The following MGA variants were observed in gnomAD, a reference collection of about 807,000 sequenced individuals.
The protein encoded by MGA is MAX dimerization protein MGA.
MGA carries 40 observed loss-of-function variants against 261.1 expected under a neutral mutation model. The observed-to-expected ratio is 0.15, with a 90% confidence interval of 0.12 to 0.20. The LOEUF is 0.20. Among genes scored for constraint, MGA ranks in the 10% least tolerant of loss-of-function variants. The pLI, the probability that MGA is intolerant of heterozygous loss-of-function variation, is 1.00. For synonymous variants in MGA, 1,302 were observed against 1,290.6 expected (o/e 1.01, Z -0.19); for missense variants, 3,397 against 3,630.5 (o/e 0.94, Z 1.65).
At chr15:41,709,375 T>C (rs1335978329) in intron 7 of MGA, among the ~76,000 whole-genome samples, 1 of 151,808 alleles carries the variant, frequency 6.6e-6, no homozygotes, top group African/African-American at 2.4e-5. Flanking sequence ...CCCAAGTAAA[T>C]TTTACACGCC....
At chr15:41,655,178 CTTT>C (rs35648576) in intron 1 of MGA, among the ~76,000 whole-genome samples, 97 of 129,610 alleles carry the variant, frequency 7.5e-4, no homozygotes, top group African/African-American at 1.9e-3. Context: ...TTTTAATTTA[CTTT>C]TTTTTTTTTT....
upstream of MGA, among the ~76,000 whole-genome samples, chr15:41,655,419 C>T (rs997171504): frequency 6.6e-6 from 1 of 152,074 alleles, no homozygotes; most frequent in African/African-American, 2.4e-5. Flanking sequence ...GTGATCCGTC[C>T]ACCTTGGCCT....
intron 9 of MGA, among the ~76,000 whole-genome samples, chr15:41,722,128 T>G (rs2060975634): frequency 7.1e-6 from 1 of 140,406 alleles, no homozygotes. Context: ...GCCAATTTTT[T>G]TTTTTTTTTT....
At chr15:41,750,830 G>C (rs980413641) in intron 17 of MGA, 2 of 456,616 alleles carry the variant, frequency 4.4e-6, no homozygotes, top group Non-Finnish European at 3.8e-6. Context: ...GGTTTTATGG[G>C]AAGGCTGGCT....
At chr15:41,639,827 C>T (rs1296961715) in intron 1 of MGA, among the ~76,000 whole-genome samples, 3 of 152,070 alleles carry the variant, frequency 2.0e-5, no homozygotes, top group Admixed American at 1.3e-4. Context: ...GGATTACAGG[C>T]GTGAGCCACC....
chr15:41,652,356 C>G (rs1329132525), intron 1 of MGA, among the ~76,000 whole-genome samples: 1 of 144,098 alleles, frequency 6.9e-6, no homozygotes, highest in Non-Finnish European at 1.5e-5. Flanking sequence ...CTCCTCTTCC[C>G]TCTCCCTTCT....
chr15:41,750,529 G>A lies in MGA; in HGVS notation c.6922G>A (p.Asp2308Asn). 6.2e-7 allele frequency: 1 copy of A among 1,613,246 alleles called. No homozygotes were observed. The highest frequency in any genetic ancestry group is 8.5e-7 in the Non-Finnish European group (1 of 1,179,502). ...GGATTTGGAAGAAGATGATGAAGAT[G>A]ATAATGAGAAAACTGATGATTCTAT... is the stretch of plus-strand genomic sequence containing the variant. The change falls in exon 17 of 24, where the codon GAT (aspartate) becomes AAT (asparagine). Residue 2308 changes from aspartate to asparagine, a missense_variant. Asp to Asn is a conservative substitution (Grantham distance 23, BLOSUM62 1). This residue lies in a region of MGA where 1,410 missense variants were observed against 1,386.4 expected (regional missense o/e 1.02). Transcript: ENST00000219905.
chr15:41,739,152 C>T (rs999907428), intron 13 of MGA, among the ~76,000 whole-genome samples: 2 of 151,888 alleles, frequency 1.3e-5, no homozygotes. Flanking sequence ...AAGAAATCAA[C>T]CCCCACAAAA....
chr15:41,739,859 C>T (rs763713790), intron 13 of MGA, 47 bp from the exon 14 acceptor site: 2 of 1,568,862 alleles, frequency 1.3e-6, no homozygotes, highest in African/African-American at 2.7e-5. Flanking sequence ...GAGGAGTTAG[C>T]AAGAGAATTT....
chr15:41,733,486 A>G (rs543873898), intron 11 of MGA, among the ~76,000 whole-genome samples: 1 of 152,122 alleles, frequency 6.6e-6, no homozygotes, highest in African/African-American at 2.4e-5. Flanking sequence ...TTCCCTTTCC[A>G]TGGTTCAGCT....
At chr15:41,651,288 T>A (rs1262368433) in intron 1 of MGA, among the ~76,000 whole-genome samples, 4 of 152,214 alleles carry the variant, frequency 2.6e-5, no homozygotes, top group Non-Finnish European at 5.9e-5. Flanking sequence ...ATAGTACTTA[T>A]GAGATAAGTT....
intron 1 of MGA, among the ~76,000 whole-genome samples, chr15:41,632,953 AT>A (rs1341133357): frequency 0.016 from 2,354 of 144,352 alleles, 57 homozygotes; most frequent in African/African-American, 0.051. Flanking sequence ...ATTTCATGTA[AT>A]TTTTTTTTTT....
rs199669483 is a variant in MGA at position 41,734,565 on chromosome 15, A to G, written c.3887A>G (p.Asp1296Gly). ...CAGCCCTTAAAACAACTCACCTGTG[A>G]CTTGGAGGATGATTCTGATAAATTA... The change falls in exon 12 of 24, where the codon GAC (aspartate) becomes GGC (glycine). Residue 1296 changes from aspartate (D) to glycine (G), a missense_variant. Asp to Gly is a moderately conservative substitution (Grantham distance 94). Transcript: ENST00000219905. 61 of 1,608,404 alleles carry G rather than the reference A, an allele frequency of 3.8e-5. No homozygotes were observed. Among genetic ancestry groups the G allele is most frequent in the Non-Finnish European group, 5.1e-5 (60 of 1,177,236 alleles).
intron 1 of MGA, among the ~76,000 whole-genome samples, chr15:41,628,934 T>C (rs895378323): frequency 2.6e-5 from 4 of 151,946 alleles, no homozygotes; most frequent in Non-Finnish European, 5.9e-5. Flanking sequence ...GGTCAGGAGA[T>C]CGAGACCATC....
At chr15:41,670,912 A>C (rs1405199643) in intron 2 of MGA, among the ~76,000 whole-genome samples, 1 of 152,238 alleles carries the variant, frequency 6.6e-6, no homozygotes, top group Non-Finnish European at 1.5e-5. Context: ...TATTAGATAC[A>C]AATAACGACT....
chr15:41,686,004 CAAAAA>C (rs34711774), intron 2 of MGA, among the ~76,000 whole-genome samples: 1 of 129,088 alleles, frequency 7.7e-6, no homozygotes, highest in Non-Finnish European at 1.6e-5. Context: ...GACTCTGTCT[CAAAAA>C]AAAAAAAAAA....
Position 41,696,687 on chromosome 15 carries a change from C to T in MGA, c.1677C>T (p.Ser559=), listed in dbSNP as rs765911592. The change falls in exon 3 of 24, where the codon AGC becomes AGT. Residue 559 remains serine, a synonymous_variant. Coordinates refer to ENST00000219905, the MANE Select transcript of MGA (RefSeq NM_001164273.2). ...GGAAATATCCTGATATATCTGACAG[C>T]ATTAGCACAGAAAGAATACTCGACG... 6.2e-7 allele frequency: 1 copy of T among 1,612,714 alleles called. No individual in the cohort carries two copies. Among genetic ancestry groups the T allele is most frequent in the Non-Finnish European group, 8.5e-7 (1 of 1,179,308 alleles).
chr15:41,688,732 T>A (rs114036008), intron 2 of MGA, among the ~76,000 whole-genome samples: 107,289 of 151,716 alleles, frequency 0.71, 40,045 homozygotes, highest in East Asian at 0.89. Flanking sequence ...TCTTTGTAAT[T>A]TTTTTAGTGG....
chr15:41,730,804 C>T (rs946882046), intron 11 of MGA, among the ~76,000 whole-genome samples: 1 of 152,172 alleles, frequency 6.6e-6, no homozygotes, highest in Non-Finnish European at 1.5e-5. Flanking sequence ...AAGTAAATCC[C>T]TCCTGGTTTA....
Sources: allele counts gnomAD v4.1 joint callset (sites outside exome capture counted in the v4.1 genomes callset), GRCh38; gene constraint gnomAD v4.1.1; regional missense constraint gnomAD v4.1.1; transcripts MANE v1.5; gene names NCBI Gene and HGNC (gene_info 2026-07-23, HGNC 2026-07-21).